Variants in RYR3 observed in about 807,000 individuals in gnomAD.
RYR3 encodes ryanodine receptor 3, also known as brain ryanodine receptor-calcium release channel.
RYR3 carries 207 observed loss-of-function variants against 584.3 expected under a neutral mutation model. The observed-to-expected ratio is 0.35, with a 90% CI of 0.32 to 0.40. The LOEUF is 0.40. Ranked by LOEUF, RYR3 falls within the 10% of genes least tolerant of loss-of-function variation. The pLI is 1.00. For synonymous variants in RYR3, 2,416 were observed against 2,248.5 expected, an observed-to-expected ratio of 1.07 and a Z score of -2.11; for missense variants, 5,616 against 6,089.2, an observed-to-expected ratio of 0.92 and a Z score of 2.59.
chr15:33,854,383 C>G lies in RYR3; in HGVS notation c.13800-6C>G, dbSNP rs2079425466. The G allele has an allele frequency of 6.4e-7, 1 of 1,565,686 alleles. No homozygotes were observed. The highest frequency in any genetic ancestry group is 1.9e-5 in the Admixed American group (1 of 52,390). ...ATAAGTTTTAAAATCACTTGTTCTT[C>G]TCTAGGCTAAGTTCCATAGACATGA... On this transcript the variant is annotated splice_polypyrimidine_tract_variant and splice_region_variant and intron_variant, in intron 96 of 103. Coordinates refer to ENST00000634891, the MANE Select transcript of RYR3 (RefSeq NM_001036.6).
rs2059770968 is a variant in RYR3 at position 33,603,491 on chromosome 15, GT to G, written c.2164+129del. On this transcript the variant is annotated intron_variant, in intron 18 of 103. Coordinates refer to ENST00000634891, the MANE Select transcript of RYR3 (RefSeq NM_001036.6). ...CTCAAGAGTCTCAACTAATTAAACG[GT>G]TAGGTGGAAAAGAGTATCAGATTAA... The G allele has an allele frequency of 4.1e-5, 42 of 1,013,146 alleles. No individual in the cohort carries two copies. The South Asian group carries it at 6.8e-4, about 16-fold the overall frequency. 62.8% of individuals were successfully genotyped at this position (1,013,146 alleles called of 1,614,324 possible).
chr15:33,813,615 AGCGATG>A, intron 74 of RYR3, 36 bp downstream of exon 74: 1 of 1,505,638 alleles, frequency 6.6e-7, no homozygotes, highest in Non-Finnish European at 9.2e-7. Context: ...CATGTAAGCC[AGCGATG>A]GGAATGGAGG....
At chr15:33,741,866 G>A (rs894310986) in intron 51 of RYR3, among the ~76,000 whole-genome samples, 8 of 152,012 alleles carry the variant, frequency 5.3e-5, no homozygotes, top group African/African-American at 7.2e-5. Context: ...CATCCACCTC[G>A]GCCTCCCAAA....
At chr15:33,857,407 G>GT (rs2079803661) in intron 98 of RYR3, among the ~76,000 whole-genome samples, 1 of 148,498 alleles carries the variant, frequency 6.7e-6, no homozygotes, top group African/African-American at 2.6e-5. Flanking sequence ...GAGATTGGTT[G>GT]CGGGCCCATC....
At chr15:33,697,690 G>A (rs997372672) in intron 39 of RYR3, among the ~76,000 whole-genome samples, 192 bp from the exon 40 acceptor site, 1 of 152,168 alleles carries the variant, frequency 6.6e-6, no homozygotes, top group African/African-American at 2.4e-5. Flanking sequence ...AAATAGAGGA[G>A]CACAGAATAT....
chr15:33,716,753 G>T (rs1415346136), intron 43 of RYR3, among the ~76,000 whole-genome samples: 1 of 152,154 alleles, frequency 6.6e-6, no homozygotes, highest in Non-Finnish European at 1.5e-5. Flanking sequence ...TGTCTTGGCA[G>T]TGGACTCAAA....
chr15:33,750,095 G>T, intron 56 of RYR3, 41 bp downstream of exon 56: 1 of 1,607,294 alleles, frequency 6.2e-7, no homozygotes, highest in East Asian at 2.2e-5. Context: ...AGCTGAACCG[G>T]GGCAGCTATG....
At chr15:33,651,662 A>C (rs1266806907) in intron 31 of RYR3, among the ~76,000 whole-genome samples, 2 of 152,204 alleles carry the variant, frequency 1.3e-5, no homozygotes, top group African/African-American at 4.8e-5. Flanking sequence ...CCACAGTGCC[A>C]AATGTACTAT....
chr15:33,807,589 C>T lies in RYR3; in HGVS notation c.10026+20C>T, dbSNP rs960549904. The T allele has an allele frequency of 2.9e-5, 45 of 1,550,532 alleles. No homozygotes were observed. The highest frequency in any genetic ancestry group is 3.6e-5 in the South Asian group (3 of 84,044). The stretch of plus-strand genomic sequence containing the variant: ...GTAAAGGTACAGGTCAAATGCATGA[C>T]GTGTCTTTTCTGTCCTAGTATTAGA... On this transcript the variant is annotated intron_variant, in intron 70 of 103. Coordinates refer to ENST00000634891, the MANE Select transcript of RYR3 (RefSeq NM_001036.6).
chr15:33,701,049 C>T lies in RYR3; in HGVS notation c.6452C>T (p.Ala2151Val), dbSNP rs748718316. ...ASSVMDNNEL[A>V]LSLEEPDLEK... is the part of the protein sequence containing the mutation. ...TCTGTGATGGACAACAATGAGTTAG[C>T]GCTGAGCTTAGAGGAACCAGACCTC... The change falls in exon 42 of 104, where the codon GCG becomes GTG. Residue 2151 changes from alanine to valine, a missense_variant. Around this residue, in one of 9 missense-constraint regions of RYR3, gnomAD observed 1,280 missense variants for 1,426.2 expected, o/e 0.90. Transcript: ENST00000634891. The T allele has an allele frequency of 3.7e-5, 59 of 1,613,062 alleles. No homozygotes were observed. Among genetic ancestry groups the T allele is most frequent in the Non-Finnish European group, 4.8e-5 (57 of 1,179,600 alleles).
At chr15:33,501,359 A>G (rs2142722395) in intron 2 of RYR3, among the ~76,000 whole-genome samples, 1 of 152,324 alleles carries the variant, frequency 6.6e-6, no homozygotes, top group Non-Finnish European at 1.5e-5. Context: ...GAATTACATG[A>G]TGTCATGTAA....
Position 33,540,772 on chromosome 15 carries a change from AT to A in RYR3, c.547-16del. ...GGACTGGTGATTTAAAAGATGTCTCATTTCTGTTTCTGCTGCAGCATCTCTC... is the reference window on the plus strand; with the variant it reads ...GGACTGGTGATTTAAAAGATGTCTCATTCTGTTTCTGCTGCAGCATCTCTC... On this transcript the variant is annotated intron_variant, in intron 6 of 103. Transcript: ENST00000634891. 1 of 1,521,812 alleles carries A rather than the reference AT, an allele frequency of 6.6e-7. No homozygotes were observed. The highest frequency in any genetic ancestry group is 2.3e-5 in the East Asian group (1 of 44,396). 94.3% of individuals were successfully genotyped at this position (1,521,812 alleles called of 1,614,324 possible).
chr15:33,794,125 A>T (rs1567184390), intron 67 of RYR3, among the ~76,000 whole-genome samples: 1 of 122,704 alleles, frequency 8.1e-6, no homozygotes, highest in African/African-American at 3.3e-5. Context: ...ACATAAATAT[A>T]TATTTATATA....
At chr15:33,577,646 AC>A (rs1478665111) in intron 12 of RYR3, among the ~76,000 whole-genome samples, 1 of 152,218 alleles carries the variant, frequency 6.6e-6, no homozygotes, top group Non-Finnish European at 1.5e-5. Context: ...TCAATGTAAG[AC>A]CCAAAACTAT....
At chr15:33,700,327 C>G (rs1289192774) in intron 41 of RYR3, among the ~76,000 whole-genome samples, 1 of 152,214 alleles carries the variant, frequency 6.6e-6, no homozygotes, top group East Asian at 1.9e-4. Context: ...CGTGGATAAA[C>G]AGTGTAAATC....
chr15:33,720,495 G>C (rs562476458), intron 43 of RYR3, among the ~76,000 whole-genome samples: 12 of 152,344 alleles, frequency 7.9e-5, no homozygotes, highest in Admixed American at 7.2e-4. Flanking sequence ...GAAAGATCCA[G>C]TGAGATTGTG....
intron 20 of RYR3, among the ~76,000 whole-genome samples, chr15:33,625,529 A>G (rs778399886): frequency 8.5e-5 from 13 of 152,124 alleles, no homozygotes; most frequent in Non-Finnish European, 1.9e-4. Flanking sequence ...CTACCCTCCT[A>G]GGTTCTGTTT....
intron 57 of RYR3, among the ~76,000 whole-genome samples, chr15:33,751,485 G>C (rs1417272540): frequency 6.6e-6 from 1 of 152,128 alleles, no homozygotes; most frequent in South Asian, 2.1e-4. Flanking sequence ...CTAATGACCA[G>C]TGATGATGAG....
chr15:33,540,949 A>G (rs1163932236), intron 7 of RYR3, 59 bp downstream of exon 7: 1 of 1,116,760 alleles, frequency 9.0e-7, no homozygotes, highest in African/African-American at 1.5e-5. Context: ...AGCTGTATAC[A>G]TTGACATTTT....
Sources: allele counts gnomAD v4.1 joint callset (sites outside exome capture counted in the v4.1 genomes callset), GRCh38; gene constraint gnomAD v4.1.1; regional missense constraint gnomAD v4.1.1; transcripts MANE v1.5; gene names NCBI Gene and HGNC (gene_info 2026-07-23, HGNC 2026-07-21).